Variants in NAV1 observed in about 807,000 individuals in gnomAD.
The protein encoded by NAV1 is pore membrane and/or filament interacting like protein 3.
In NAV1, 18 loss-of-function variants were observed where a neutral mutation model predicts 175.2. The observed-to-expected ratio is 0.10, with a 90% CI of 0.07 to 0.15. The LOEUF (loss-of-function observed/expected upper bound fraction) is 0.15. Among genes scored for constraint, NAV1 ranks in the 10% least tolerant of loss-of-function variants. NAV1 has a pLI of 1.00. For synonymous variants in NAV1, 897 were observed against 978.7 expected, an observed-to-expected ratio of 0.92 and a Z score of 1.56; for missense variants, 1,731 against 2,436.6, an observed-to-expected ratio of 0.71 and a Z score of 6.10.
chr1:201,744,960 G>T (rs893217268), intron 3 of NAV1, among the ~76,000 whole-genome samples: 1 of 152,206 alleles, frequency 6.6e-6, no homozygotes, highest in Non-Finnish European at 1.5e-5. Context: ...TGGCTTGTTT[G>T]CTCTGGACCT....
chr1:201,788,670 A>T lies in NAV1; in HGVS notation c.3166+32A>T. On this transcript the variant is annotated intron_variant, in intron 10 of 29. Transcript: ENST00000367296. The surrounding 1 kb of genome is among the most constrained non-coding windows in gnomAD (Gnocchi z 5.7). Reference sequence around the variant, plus strand: ...CTTCATGCTAGCGCGGTTCACGCTCATTCCAGCTCTGCTGGGTCCCCTCAC... The same window carrying T: ...CTTCATGCTAGCGCGGTTCACGCTCTTTCCAGCTCTGCTGGGTCCCCTCAC... The T allele has an allele frequency of 6.4e-6, 10 of 1,573,982 alleles. No homozygotes were observed. Among genetic ancestry groups the T allele is most frequent in the Non-Finnish European group, 8.6e-6 (10 of 1,156,468 alleles).
chr1:201,785,379 C>T (rs772186194), intron 8 of NAV1, 28 bp downstream of exon 12: 1 of 1,607,444 alleles, frequency 6.2e-7, no homozygotes, highest in Non-Finnish European at 8.5e-7. Context: ...TTTTTCTTCC[C>T]TATAAATGGG....
chr1:201,713,670 G>A (rs1255158882), intron 2 of NAV1, among the ~76,000 whole-genome samples: 1 of 152,174 alleles, frequency 6.6e-6, no homozygotes, highest in Non-Finnish European at 1.5e-5. Flanking sequence ...AAGCTCTGGG[G>A]ACAGCGGGAG....
intron 3 of NAV1, among the ~76,000 whole-genome samples, chr1:201,767,027 G>A (rs1428024395): frequency 6.6e-6 from 1 of 151,506 alleles, no homozygotes; most frequent in African/African-American, 2.4e-5. Flanking sequence ...TCACGATGTT[G>A]GCCAGGATGG....
chr1:201,737,858 A>T (rs1673181155), intron 3 of NAV1, among the ~76,000 whole-genome samples: 1 of 152,214 alleles, frequency 6.6e-6, no homozygotes, highest in Admixed American at 6.5e-5. Flanking sequence ...TCAGGATTCC[A>T]TGCTGGCTGA....
At chr1:201,679,451 A>G (rs574304575) in intron 1 of NAV1, among the ~76,000 whole-genome samples, 4 of 152,254 alleles carry the variant, frequency 2.6e-5, no homozygotes, top group South Asian at 2.1e-4. Context: ...TGTGGTTTCT[A>G]TAGACCTCCT....
At chr1:201,585,127 G>A (rs574066541) in intron 1 of NAV1, among the ~76,000 whole-genome samples, 3 of 152,220 alleles carry the variant, frequency 2.0e-5, no homozygotes, top group Admixed American at 6.5e-5. Context: ...GCTTTGGGCA[G>A]GTCATTGGGC....
exon 1 of NAV1, chr1:201,623,136 G>T: frequency 1.0e-6 from 1 of 986,048 alleles, no homozygotes; most frequent in South Asian, 4.7e-5. Context: ...TTGCTGGGGC[G>T]GTGAGGGAGT....
At chr1:201,637,471 T>A (rs934814842) in intron 2 of NAV1, among the ~76,000 whole-genome samples, 2 of 152,206 alleles carry the variant, frequency 1.3e-5, no homozygotes. Flanking sequence ...AGTGATGTCA[T>A]CACTGTGTTG....
chr1:201,756,806 TTCC>T (rs975921345), intron 3 of NAV1, among the ~76,000 whole-genome samples: 9 of 28,160 alleles, frequency 3.2e-4, no homozygotes, highest in African/African-American at 1.2e-3. Context: ...CTTTCTTTCT[TTCC>T]TTCTTTCTTT....
intron 8 of NAV1, 149 bp from the exon 13 acceptor site, chr1:201,786,280 C>G: frequency 1.3e-6 from 1 of 751,452 alleles, no homozygotes; most frequent in South Asian, 1.9e-5. Context: ...CTCTTACTCC[C>G]TCCTTGGGCA....
chr1:201,592,993 T>G (rs1667244220), intron 2 of NAV1, among the ~76,000 whole-genome samples: 1 of 152,140 alleles, frequency 6.6e-6, no homozygotes, highest in Admixed American at 6.5e-5. Flanking sequence ...TGGGGGCCTC[T>G]GTGGACGTTG....
intron 1 of NAV1, among the ~76,000 whole-genome samples, chr1:201,543,927 G>T (rs1004449003): frequency 2.0e-5 from 3 of 152,216 alleles, no homozygotes; most frequent in African/African-American, 7.2e-5. Context: ...AGGCATTAAA[G>T]GGTTAAAGGG....
At chr1:201,725,560 T>A (rs1431793933) in intron 3 of NAV1, among the ~76,000 whole-genome samples, 2 of 151,872 alleles carry the variant, frequency 1.3e-5, no homozygotes, top group Non-Finnish European at 2.9e-5. Flanking sequence ...GAGGATCACT[T>A]GAGCCCAGGA....
At chr1:201,806,911 C>T (rs1222387795) in intron 17 of NAV1, among the ~76,000 whole-genome samples, 2 of 152,192 alleles carry the variant, frequency 1.3e-5, no homozygotes, top group Admixed American at 6.5e-5. Context: ...GCTTAGAAAG[C>T]GTACCCTCAA....
chr1:201,549,752 T>C (rs1173053345), intron 1 of NAV1, among the ~76,000 whole-genome samples: 4 of 146,990 alleles, frequency 2.7e-5, no homozygotes, highest in African/African-American at 5.0e-5. Flanking sequence ...GGCTCACACC[T>C]GTAATCCCAG....
At chr1:201,650,759 T>C (rs994406192) in intron 1 of NAV1, among the ~76,000 whole-genome samples, 1 of 152,188 alleles carries the variant, frequency 6.6e-6, no homozygotes, top group Non-Finnish European at 1.5e-5. Context: ...GAACCGATCC[T>C]TACGCAGGAG....
chr1:201,678,072 G>A (rs1012077601), intron 1 of NAV1, among the ~76,000 whole-genome samples: 5 of 152,228 alleles, frequency 3.3e-5, no homozygotes, highest in African/African-American at 1.2e-4. Context: ...GAATTACACA[G>A]AGGGAGGCAC....
chr1:201,752,058 T>A (rs954223440), intron 3 of NAV1, among the ~76,000 whole-genome samples: 1 of 152,190 alleles, frequency 6.6e-6, no homozygotes, highest in East Asian at 1.9e-4. Flanking sequence ...TTGACCTCCA[T>A]GCACAATGTG....
Sources: gnomAD v4.1 joint callset for allele counts (sites outside exome capture counted in the v4.1 genomes callset) on GRCh38, gnomAD v4.1.1 for gene constraint, Gnocchi (gnomAD v3.1) non-coding constraint, MANE v1.5 for transcripts, NCBI Gene and HGNC (gene_info 2026-07-23, HGNC 2026-07-21) for gene names.